NBPF11: variants seen among roughly 807,000 people sequenced by gnomAD.
The protein encoded by NBPF11 is NBPF family member NBPF11.
In NBPF11, 72 loss-of-function variants were observed where a neutral mutation model predicts 93.9. The ratio of observed to expected loss-of-function variants is 0.77; its 90% CI spans 0.63 to 0.93. NBPF11 has a LOEUF of 0.93. Ranked by LOEUF, NBPF11 falls within the 40% of genes least tolerant of loss-of-function variation. The pLI is 0.00. For synonymous variants in NBPF11, 224 were observed against 304.9 expected (o/e 0.73, Z 2.76); for missense variants, 705 against 802.2 (o/e 0.88, Z 1.46).
intron 2 of NBPF11, among the ~76,000 whole-genome samples, chr1:148,139,508 T>A (rs1189493887): frequency 6.7e-6 from 1 of 149,248 alleles, no homozygotes; most frequent in Non-Finnish European, 1.5e-5. Flanking sequence ...TGACAAAATA[T>A]GCTGAAGTAG....
At chr1:148,121,324 T>A (rs1166938194) in intron 9 of NBPF11, among the ~76,000 whole-genome samples, 4 of 150,644 alleles carry the variant, frequency 2.7e-5, no homozygotes, top group Non-Finnish European at 5.9e-5. Flanking sequence ...GATTAAGATG[T>A]GAGCCAGCGT....
chr1:148,141,449 AG>A (rs1267505582), intron 2 of NBPF11, among the ~76,000 whole-genome samples: 1 of 152,108 alleles, frequency 6.6e-6, no homozygotes, highest in Non-Finnish European at 1.5e-5. Context: ...CTGTAAACCT[AG>A]AACTGTTCTA....
chr1:148,151,674 C>CCGCCGCGCCTCAGCCCAGCT (rs1648393391), intron 1 of NBPF11, 76 bp downstream of exon 1: 1 of 152,402 alleles, frequency 6.6e-6, no homozygotes, highest in Non-Finnish European at 1.5e-5. Context: ...GCGGCCCAGC[C>CCGCCGCGCCTCAGCCCAGCT]CGCCGCGCCT....
At chr1:148,146,142 G>A (rs1433014607) in intron 1 of NBPF11, among the ~76,000 whole-genome samples, 2,109 of 151,800 alleles carry the variant, frequency 0.014, 77 homozygotes, top group African/African-American at 0.049. Flanking sequence ...GGGGCCCGGG[G>A]GCGCGGGCCG....
chr1:148,122,387 G>A, intron 8 of NBPF11, 121 bp from the exon 9 acceptor site: 3 of 1,525,672 alleles, frequency 2.0e-6, no homozygotes, highest in Non-Finnish European at 2.7e-6. Context: ...ACAAATGGAG[G>A]TTCCCTTTAA....
intron 1 of NBPF11, chr1:148,146,699 T>C: frequency 4.3e-6 from 7 of 1,611,914 alleles, no homozygotes; most frequent in Non-Finnish European, 5.9e-6. Context: ...GTCTCCTGCA[T>C]GTATGTTCGC....
intron 3 of NBPF11, among the ~76,000 whole-genome samples, 186 bp from the exon 4 acceptor site, chr1:148,135,999 T>C (rs1671214857): frequency 6.6e-6 from 1 of 151,972 alleles, no homozygotes; most frequent in South Asian, 2.1e-4. Context: ...GTGGTGGTGA[T>C]GACAGGTATC....
chr1:148,149,634 A>T, intron 1 of NBPF11: 1 of 1,413,820 alleles, frequency 7.1e-7, no homozygotes, highest in South Asian at 1.2e-5. Context: ...GCCGGCCCCC[A>T]CCCAGGGGCT....
In NBPF11 at chr1:148,124,783, T is replaced by C. The variant is rs1223518091; in HGVS notation, c.278+116A>G. The C allele has an allele frequency of 3.2e-6, 3 of 934,408 alleles. No homozygotes were observed. In the East Asian group the frequency reaches 7.2e-5, roughly 22 times the overall value. The allele number at this position is 934,408 out of a possible 1,614,324, so 57.9% of individuals were successfully genotyped here. On this transcript the variant is annotated intron_variant, in intron 6 of 23. Coordinates refer to ENST00000682118, the MANE Select transcript of NBPF11 (RefSeq NM_001385469.3). ...ATATTTGTGTGTCATGAGCCTGCCA[T>C]GGCAATTTCTGCCCTTCCCCTGGCC... is the stretch of plus-strand genomic sequence containing the variant.
In NBPF11 at chr1:148,149,635, C is replaced by G; in HGVS notation, c.-549+2115G>C. 18 of 1,411,700 alleles carry G rather than the reference C, an allele frequency of 1.3e-5. No homozygotes were observed. The South Asian group carries it at 2.1e-4, about 16-fold the overall frequency. The allele number at this position is 1,411,700 out of a possible 1,614,324, so 87.4% of individuals were successfully genotyped here. On this transcript the variant is annotated intron_variant, in intron 1 of 23. Coordinates refer to ENST00000682118, the MANE Select transcript of NBPF11 (RefSeq NM_001385469.3). ...GGACCTCACCCCGCGCCGGCCCCCA[C>G]CCAGGGGCTGCATGTGGACCCCCCC...
chr1:148,134,867 C>A (rs1337541396), intron 4 of NBPF11, among the ~76,000 whole-genome samples: 2 of 152,106 alleles, frequency 1.3e-5, no homozygotes, highest in South Asian at 2.1e-4. Flanking sequence ...AGGGGCAGCA[C>A]CAGCCACTGT....
At chr1:148,141,534 A>G (rs1221036575) in intron 2 of NBPF11, among the ~76,000 whole-genome samples, 2 of 151,970 alleles carry the variant, frequency 1.3e-5, no homozygotes, top group African/African-American at 4.8e-5. Flanking sequence ...GCATCCTGTT[A>G]TTGTTTGGTT....
At chr1:148,108,836 GAGAA>G (rs1481153054) in intron 17 of NBPF11, among the ~76,000 whole-genome samples, 182 bp from the exon 18 acceptor site, 1 of 111,650 alleles carries the variant, frequency 9.0e-6, no homozygotes, top group Non-Finnish European at 1.9e-5. Context: ...AAGGATGAAA[GAGAA>G]AGACACACAC....
At position 148,117,211 on chromosome 1, in the gene NBPF11, T is replaced by A. The variant is rs1205602870; in HGVS notation, c.1306+361A>T. ...GACAAGTCATTCACTCACCGACAGT[T>A]ACTAAGAACATTGCCAAAAAGACAG... is the stretch of plus-strand genomic sequence containing the variant. On this transcript the variant is annotated intron_variant, in intron 12 of 23. Coordinates refer to ENST00000682118, the MANE Select transcript of NBPF11 (RefSeq NM_001385469.3). Among the ~76,000 whole-genome samples the A allele has an allele frequency of 1.6e-4, 24 of 151,380 alleles. No homozygotes were observed. The South Asian group carries it at 3.1e-3, about 20-fold the overall frequency.
intron 3 of NBPF11, among the ~76,000 whole-genome samples, chr1:148,137,345 G>A (rs1325007701): frequency 9.3e-5 from 14 of 151,330 alleles, no homozygotes; most frequent in South Asian, 4.2e-4. Context: ...CTGTCTCCCC[G>A]CTGACAGCCA....
intron 4 of NBPF11, among the ~76,000 whole-genome samples, chr1:148,133,306 A>C (rs1194320786): frequency 6.6e-5 from 10 of 151,990 alleles, no homozygotes; most frequent in Admixed American, 6.5e-4. Context: ...TCAATACTTT[A>C]TTAATTTTTC....
chr1:148,125,493 T>G (rs1442261435), intron 5 of NBPF11, among the ~76,000 whole-genome samples: 1 of 152,012 alleles, frequency 6.6e-6, no homozygotes, highest in African/African-American at 2.4e-5. Flanking sequence ...AGATATGGTT[T>G]TAAGAATCAT....
intron 18 of NBPF11, among the ~76,000 whole-genome samples, chr1:148,108,191 G>C (rs1408752209): frequency 6.6e-6 from 1 of 151,014 alleles, no homozygotes; most frequent in Non-Finnish European, 1.5e-5. Context: ...ACAGAATTGA[G>C]ACAAAATCAG....
At chr1:148,112,236 T>C (rs1665467988) in intron 15 of NBPF11, among the ~76,000 whole-genome samples, 1 of 147,246 alleles carries the variant, frequency 6.8e-6, no homozygotes, top group Non-Finnish European at 1.5e-5. Flanking sequence ...CATGTCCACA[T>C]TGGTGTGCTT....
Sources: allele counts gnomAD v4.1 joint callset (sites outside exome capture counted in the v4.1 genomes callset), GRCh38; gene constraint gnomAD v4.1.1; transcripts MANE v1.5; gene names NCBI Gene and HGNC (gene_info 2026-07-23, HGNC 2026-07-21).